The following SUPT3H variants were observed in gnomAD, a reference collection of about 807,000 sequenced individuals.
The protein encoded by SUPT3H is SPT3 homolog, SAGA and STAGA complex component, also known as transcription initiation protein SPT3 homolog.
In SUPT3H, 44 loss-of-function variants were observed where a neutral mutation model predicts 44.3. That is an observed-to-expected ratio of 0.99 (90% confidence interval 0.78 to 1.28). The LOEUF is 1.28. Ranked by LOEUF, SUPT3H falls within the 50% of genes most tolerant of loss-of-function variation. The pLI, the probability that SUPT3H is intolerant of heterozygous loss-of-function variation, is 0.00. For synonymous variants in SUPT3H, 124 were observed against 125.6 expected, an observed-to-expected ratio of 0.99 and a Z score of 0.09; for missense variants, 380 against 387.1, an observed-to-expected ratio of 0.98 and a Z score of 0.15.
chr6:45,020,329 G>A (rs1436869386), intron 4 of SUPT3H, among the ~76,000 whole-genome samples: 1 of 151,956 alleles, frequency 6.6e-6, no homozygotes, highest in African/African-American at 2.4e-5. Context: ...GTGAGGGTTC[G>A]CTGTTAGCAC....
At chr6:44,901,225 G>T (rs1003209104) in intron 10 of SUPT3H, among the ~76,000 whole-genome samples, 1 of 151,918 alleles carries the variant, frequency 6.6e-6, no homozygotes, top group Non-Finnish European at 1.5e-5. Context: ...AAACTACTCC[G>T]AGCTAAAGGA....
rs1000862119 is a variant in SUPT3H at position 45,292,498 on chromosome 6, T to G, written c.101+72703A>C. Among the ~76,000 whole-genome samples the G allele has an allele frequency of 3.3e-5, 5 of 152,162 alleles. No homozygotes were observed. The East Asian group carries it at 9.8e-4, about 30-fold the overall frequency. ...CACATCTCAATACTAATATTGAATG[T>G]AAATGGCCTAAATGTTCCACTTAGA... On this transcript the variant is annotated intron_variant, in intron 2 of 10. Transcript: ENST00000371459.
Position 45,377,148 on chromosome 6 carries a change from A to G in SUPT3H, c.-1+620T>C, listed in dbSNP as rs931863010. ...AACGTGGAGAGCAAAAGCAGAGCTA[A>G]TATGTACTGAGCAGCACCTGGCGCT... On this transcript the variant is annotated intron_variant, in intron 1 of 10. Transcript: ENST00000371459. Among the ~76,000 whole-genome samples the G allele has an allele frequency of 3.3e-5, 5 of 152,308 alleles. No homozygotes were observed. In the South Asian group the frequency reaches 8.3e-4, roughly 25 times the overall value.
intron 2 of SUPT3H, among the ~76,000 whole-genome samples, chr6:45,155,344 A>G (rs1807640309): frequency 6.6e-6 from 1 of 152,084 alleles, no homozygotes; most frequent in African/African-American, 2.4e-5. Flanking sequence ...CTAGTGTCCT[A>G]AAGAACCATC....
chr6:45,274,417 C>G (rs1776691596), intron 2 of SUPT3H, among the ~76,000 whole-genome samples: 1 of 152,152 alleles, frequency 6.6e-6, no homozygotes, highest in South Asian at 2.1e-4. Flanking sequence ...ACATTTACTC[C>G]TATATTTCTA....
At chr6:45,032,750 A>G (rs1787133813) in intron 3 of SUPT3H, among the ~76,000 whole-genome samples, 1 of 152,046 alleles carries the variant, frequency 6.6e-6, no homozygotes. Flanking sequence ...AGACCTAAGC[A>G]CTCCCTTTCC....
At chr6:45,211,504 C>T (rs981560932) in intron 2 of SUPT3H, among the ~76,000 whole-genome samples, 10 of 152,156 alleles carry the variant, frequency 6.6e-5, no homozygotes, top group African/African-American at 1.2e-4. Context: ...TAGAGGACAA[C>T]GAACACATCT....
chr6:45,211,994 T>C (rs1283685161), intron 2 of SUPT3H, among the ~76,000 whole-genome samples: 1 of 151,850 alleles, frequency 6.6e-6, no homozygotes, highest in African/African-American at 2.4e-5. Flanking sequence ...CAAAACCCCA[T>C]CTCTACTAAA....
At chr6:45,311,737 T>C (rs778727719) in intron 2 of SUPT3H, among the ~76,000 whole-genome samples, 1 of 152,064 alleles carries the variant, frequency 6.6e-6, no homozygotes, top group Non-Finnish European at 1.5e-5. Context: ...GAAGGAAAGA[T>C]ACAGTCATTT....
chr6:44,863,834 AAG>A (rs1311168790), intron 10 of SUPT3H, among the ~76,000 whole-genome samples: 3 of 152,182 alleles, frequency 2.0e-5, no homozygotes, highest in Non-Finnish European at 2.9e-5. Context: ...CGCAGCAGGC[AAG>A]AGAGAGAATA....
intron 2 of SUPT3H, among the ~76,000 whole-genome samples, chr6:45,222,561 G>A (rs1766242392): frequency 2.0e-5 from 3 of 152,076 alleles, no homozygotes; most frequent in Non-Finnish European, 1.5e-5. Context: ...ATAAGAATAT[G>A]GAGAAAGTGA....
chr6:45,258,102 C>G (rs1172224737), intron 2 of SUPT3H, among the ~76,000 whole-genome samples: 1 of 152,130 alleles, frequency 6.6e-6, no homozygotes, highest in East Asian at 1.9e-4. Context: ...TTTATTGAAT[C>G]CAATTTTTCT....
At chr6:45,282,831 G>C (rs1778417251) in intron 2 of SUPT3H, among the ~76,000 whole-genome samples, 1 of 152,204 alleles carries the variant, frequency 6.6e-6, no homozygotes, top group African/African-American at 2.4e-5. Flanking sequence ...AGGGCAGCCA[G>C]AGAGAAAGGT....
chr6:44,862,687 A>AAC, intron 10 of SUPT3H, among the ~76,000 whole-genome samples: 1 of 150,874 alleles, frequency 6.6e-6, no homozygotes, highest in African/African-American at 2.4e-5. Flanking sequence ...CAAAAAAAAA[A>AAC]AAAATTAATA....
chr6:45,100,811 T>C (rs1262247143), intron 3 of SUPT3H, among the ~76,000 whole-genome samples: 2 of 151,922 alleles, frequency 1.3e-5, no homozygotes, highest in Non-Finnish European at 2.9e-5. Flanking sequence ...AAGCTAAAAA[T>C]AGAATTACCA....
chr6:45,079,377 G>A (rs1398639511), intron 3 of SUPT3H, among the ~76,000 whole-genome samples: 1 of 150,964 alleles, frequency 6.6e-6, no homozygotes, highest in Non-Finnish European at 1.5e-5. Flanking sequence ...AGAAGAGGAG[G>A]AGGAGAAGTG....
chr6:45,301,447 AG>A (rs1782129315), intron 2 of SUPT3H, among the ~76,000 whole-genome samples: 1 of 151,842 alleles, frequency 6.6e-6, no homozygotes, highest in South Asian at 2.1e-4. Flanking sequence ...TTTTTAGTTT[AG>A]GGTTTTTCTC....
chr6:44,862,311 A>C (rs1483123078), intron 10 of SUPT3H, among the ~76,000 whole-genome samples: 1 of 151,914 alleles, frequency 6.6e-6, no homozygotes, highest in Non-Finnish European at 1.5e-5. Flanking sequence ...TTGGAACCCC[A>C]AAACCAGGTG....
intron 3 of SUPT3H, among the ~76,000 whole-genome samples, chr6:45,100,087 C>A (rs960204658): frequency 1.9e-4 from 29 of 152,042 alleles, no homozygotes; most frequent in African/African-American, 7.0e-4. Context: ...AAAAAATCAA[C>A]TCAAAATGAA....
Sources: allele counts gnomAD v4.1 joint callset (sites outside exome capture counted in the v4.1 genomes callset), GRCh38; gene constraint gnomAD v4.1.1; transcripts MANE v1.5; gene names NCBI Gene and HGNC (gene_info 2026-07-23, HGNC 2026-07-21).